The following TUSC3 variants were observed in gnomAD, a reference collection of about 807,000 sequenced individuals.
The protein encoded by TUSC3 is tumor suppressor candidate 3.
In TUSC3, 45 loss-of-function variants were observed where a neutral mutation model predicts 44.8. That is an observed-to-expected ratio of 1.00 (90% CI 0.79 to 1.29). The LOEUF (loss-of-function observed/expected upper bound fraction) is 1.29, where lower values mean the gene tolerates loss of function less well. TUSC3 is among the 50% of genes most tolerant of loss of function. The pLI, the probability that TUSC3 is intolerant of heterozygous loss-of-function variation, is 0.00. For missense variants in TUSC3, 519 were observed against 437.9 expected (o/e 1.19, Z -1.65); for synonymous variants, 212 against 152.9 (o/e 1.39, Z -2.85).
At chr8:15,629,551 T>A (rs1805664335) in intron 2 of TUSC3, among the ~76,000 whole-genome samples, 2 of 126,462 alleles carry the variant, frequency 1.6e-5, no homozygotes, top group African/African-American at 5.9e-5. Context: ...TGCGGCCATC[T>A]TGTTTTTTTT....
intron 1 of TUSC3, among the ~76,000 whole-genome samples, chr8:15,612,298 G>T (rs1804798267): frequency 6.6e-6 from 1 of 152,090 alleles, no homozygotes; most frequent in Non-Finnish European, 1.5e-5. Flanking sequence ...ATATCTTTTT[G>T]CCTTGGTACA....
chr8:15,688,179 A>G (rs369156217), intron 6 of TUSC3, among the ~76,000 whole-genome samples: 14 of 151,764 alleles, frequency 9.2e-5, no homozygotes, highest in East Asian at 3.9e-4. Flanking sequence ...CATCGTATCA[A>G]TAAAGTTGAG....
intron 5 of TUSC3, among the ~76,000 whole-genome samples, chr8:15,668,269 T>C (rs776104141): frequency 1.3e-5 from 2 of 151,792 alleles, no homozygotes; most frequent in Non-Finnish European, 3.0e-5. Flanking sequence ...CTGTTACTTA[T>C]AGCATTGTAG....
the TUSC3 span, among the ~76,000 whole-genome samples, chr8:15,832,258 C>T: frequency 6.6e-6 from 1 of 152,072 alleles, no homozygotes; most frequent in African/African-American, 2.4e-5. Flanking sequence ...GAATTCATTC[C>T]CACAAGACCC....
chr8:15,837,742 G>A, the TUSC3 span, among the ~76,000 whole-genome samples: 3 of 152,168 alleles, frequency 2.0e-5, no homozygotes, highest in Admixed American at 6.5e-5. Context: ...TTCATGGAAG[G>A]CATTTTATAA....
chr8:15,649,993 C>G (rs1806817205), intron 2 of TUSC3, among the ~76,000 whole-genome samples: 6 of 152,202 alleles, frequency 3.9e-5, no homozygotes, highest in Admixed American at 3.9e-4. Context: ...TGCCATTTTT[C>G]TGTTTCTTCT....
At chr8:15,728,088 A>C (rs1031874698) in intron 6 of TUSC3, among the ~76,000 whole-genome samples, 3 of 152,196 alleles carry the variant, frequency 2.0e-5, no homozygotes, top group Non-Finnish European at 4.4e-5. Flanking sequence ...TGCATTTTTA[A>C]ATTGAAAAGA....
chr8:15,534,653 A>C (rs992868020), intron 2 of TUSC3, among the ~76,000 whole-genome samples: 1 of 151,684 alleles, frequency 6.6e-6, no homozygotes, highest in Non-Finnish European at 1.5e-5. Context: ...TAAAAAAAAA[A>C]AAAAAAAAAC....
At position 15,679,576 on chromosome 8, in the gene TUSC3, G is replaced by A. The variant is rs550166337; in HGVS notation, c.798+5740G>A. Among the ~76,000 whole-genome samples, 5 of 152,154 alleles carry A rather than the reference G, an allele frequency of 3.3e-5. No individual in the cohort carries two copies. In the South Asian group the frequency reaches 1.0e-3, roughly 32 times the overall value. ...TACTCAATTGATAGTTCCTTTTGCTGTGTAGAAGCTCTTCAGTATAATTAG... is the reference window on the plus strand; with the variant it reads ...TACTCAATTGATAGTTCCTTTTGCTATGTAGAAGCTCTTCAGTATAATTAG... On this transcript the variant is annotated intron_variant, in intron 6 of 10. Transcript: ENST00000503731.
chr8:15,782,843 C>T, the TUSC3 span, among the ~76,000 whole-genome samples: 11 of 152,138 alleles, frequency 7.2e-5, no homozygotes, highest in African/African-American at 2.4e-4. Flanking sequence ...ACTCTCACCA[C>T]GTGTATTCAA....
At chr8:15,646,514 C>T (rs751660118) in intron 2 of TUSC3, among the ~76,000 whole-genome samples, 9 of 151,964 alleles carry the variant, frequency 5.9e-5, no homozygotes, top group Admixed American at 2.0e-4. Flanking sequence ...CTCTTTGACT[C>T]CCCATTACTT....
chr8:15,498,967 C>G (rs948628470), intron 2 of TUSC3, among the ~76,000 whole-genome samples: 2 of 152,130 alleles, frequency 1.3e-5, no homozygotes, highest in Admixed American at 1.3e-4. Context: ...TATTTTTTCT[C>G]ATAGACCTTA....
downstream of TUSC3, among the ~76,000 whole-genome samples, chr8:15,769,112 A>G (rs1812398676): frequency 6.6e-6 from 1 of 152,136 alleles, no homozygotes. Context: ...AGCCTGCATA[A>G]CCAAGACAAT....
At chr8:15,509,547 G>T (rs767826489) in intron 2 of TUSC3, among the ~76,000 whole-genome samples, 2 of 152,080 alleles carry the variant, frequency 1.3e-5, no homozygotes, top group South Asian at 2.1e-4. Context: ...GGCTGAGGTT[G>T]CAGTGAGCCG....
At chr8:15,448,832 ACT>A (rs897199594) in intron 1 of TUSC3, among the ~76,000 whole-genome samples, 14 of 152,136 alleles carry the variant, frequency 9.2e-5, no homozygotes, top group African/African-American at 2.2e-4. Context: ...TGGTCAACAG[ACT>A]CTATATATGA....
chr8:15,587,263 C>T (rs1403033557), intron 1 of TUSC3, among the ~76,000 whole-genome samples: 8 of 152,108 alleles, frequency 5.3e-5, no homozygotes, highest in Non-Finnish European at 1.2e-4. Flanking sequence ...TGTATCCATC[C>T]TGATCTTGAG....
intron 3 of TUSC3, among the ~76,000 whole-genome samples, chr8:15,652,514 G>C (rs1050277552): frequency 6.6e-6 from 1 of 151,940 alleles, no homozygotes; most frequent in African/African-American, 2.4e-5. Context: ...CAATAAATTT[G>C]GCAAGAAAAA....
chr8:15,830,274 T>G, the TUSC3 span, among the ~76,000 whole-genome samples: 1 of 152,210 alleles, frequency 6.6e-6, no homozygotes, highest in Admixed American at 6.5e-5. Context: ...ATTTCTTTGC[T>G]CCACATAATC....
At chr8:15,788,638 G>C in the TUSC3 span, among the ~76,000 whole-genome samples, 2 of 151,996 alleles carry the variant, frequency 1.3e-5, no homozygotes, top group African/African-American at 4.8e-5. Flanking sequence ...CCTACCCCGG[G>C]GCTGATGGAA....
Sources: gnomAD v4.1 joint callset for allele counts (sites outside exome capture counted in the v4.1 genomes callset) on GRCh38, gnomAD v4.1.1 for gene constraint, MANE v1.5 for transcripts, NCBI Gene and HGNC (gene_info 2026-07-23, HGNC 2026-07-21) for gene names.